The following THEMIS variants were observed in gnomAD, a reference collection of about 807,000 sequenced individuals.
THEMIS encodes the protein protein THEMIS.
THEMIS carries 37 observed loss-of-function variants against 52.6 expected under a neutral mutation model. The observed-to-expected ratio is 0.70, with a 90% CI of 0.54 to 0.93. The LOEUF (loss-of-function observed/expected upper bound fraction) is 0.93, where lower values mean the gene tolerates loss of function less well. Among genes scored for constraint, THEMIS ranks in the 40% least tolerant of loss-of-function variants. The pLI is 0.00. For synonymous variants in THEMIS, 292 were observed against 272.7 expected (o/e 1.07, Z -0.70); for missense variants, 808 against 763.1 (o/e 1.06, Z -0.69).
intron 4 of THEMIS, among the ~76,000 whole-genome samples, chr6:127,783,655 T>C (rs1400810636): frequency 6.6e-6 from 1 of 152,142 alleles, no homozygotes; most frequent in African/African-American, 2.4e-5. Flanking sequence ...TCAATGGTGA[T>C]TAGAGAAATG....
chr6:127,766,151 T>C (rs1387496376), intron 4 of THEMIS, among the ~76,000 whole-genome samples: 1 of 152,154 alleles, frequency 6.6e-6, no homozygotes, highest in Non-Finnish European at 1.5e-5. Flanking sequence ...TGCCTTAATA[T>C]CACAATTCTA....
chr6:127,773,481 A>T (rs912215744), intron 4 of THEMIS, among the ~76,000 whole-genome samples: 7 of 152,224 alleles, frequency 4.6e-5, no homozygotes, highest in African/African-American at 1.7e-4. Context: ...TTAAAAAATT[A>T]TCTGTTTTCC....
intron 3 of THEMIS, 109 bp from the exon 4 acceptor site, chr6:127,814,040 G>A (rs573623698): frequency 4.3e-6 from 4 of 925,888 alleles, no homozygotes; most frequent in African/African-American, 3.4e-5. Flanking sequence ...AAAGAACTCA[G>A]ATGATCATCA....
At chr6:127,714,375 T>G (rs115665774) in intron 5 of THEMIS, among the ~76,000 whole-genome samples, 3,207 of 151,974 alleles carry the variant, frequency 0.021, 107 homozygotes, top group African/African-American at 0.073. Context: ...AATTTGAAAT[T>G]TATAAAATTT....
intron 4 of THEMIS, among the ~76,000 whole-genome samples, chr6:127,794,223 G>A (rs1777252766): frequency 6.6e-6 from 1 of 152,146 alleles, no homozygotes; most frequent in Non-Finnish European, 1.5e-5. Context: ...TATTAAGACG[G>A]CAATGTTCTT....
chr6:127,766,699 C>A (rs1292559379), intron 4 of THEMIS, among the ~76,000 whole-genome samples: 2 of 152,148 alleles, frequency 1.3e-5, no homozygotes, highest in African/African-American at 4.8e-5. Flanking sequence ...GCAGTGGTAA[C>A]ACAATGGTAA....
intron 1 of THEMIS, among the ~76,000 whole-genome samples, chr6:127,884,606 T>G (rs1042139442): frequency 6.6e-6 from 1 of 152,194 alleles, no homozygotes; most frequent in Non-Finnish European, 1.5e-5. Flanking sequence ...ACAGCTGCTA[T>G]TAACCCCTTG....
chr6:127,835,124 GA>G (rs141846892), intron 2 of THEMIS, among the ~76,000 whole-genome samples: 2,181 of 152,256 alleles, frequency 0.014, 51 homozygotes, highest in African/African-American at 0.049. Context: ...ATCAGGGCTA[GA>G]AAGAACCTCC....
intron 1 of THEMIS, among the ~76,000 whole-genome samples, chr6:127,856,663 C>T (rs144242398): frequency 0.012 from 1,891 of 152,046 alleles, 166 homozygotes; most frequent in Admixed American, 0.11. Context: ...ATAGTCTATC[C>T]ATTCCTCAAG....
chr6:127,723,845 C>A (rs1011832803), intron 4 of THEMIS, among the ~76,000 whole-genome samples: 7 of 151,978 alleles, frequency 4.6e-5, no homozygotes, highest in African/African-American at 1.7e-4. Context: ...TAATTACAAT[C>A]AAATAATAGC....
At chr6:127,766,889 A>G (rs2114416244) in intron 4 of THEMIS, among the ~76,000 whole-genome samples, 1 of 152,300 alleles carries the variant, frequency 6.6e-6, no homozygotes, top group South Asian at 2.1e-4. Flanking sequence ...CTAGGACATT[A>G]CCGTATTCTA....
At chr6:127,856,885 T>C (rs1269926676) in intron 1 of THEMIS, among the ~76,000 whole-genome samples, 1 of 152,048 alleles carries the variant, frequency 6.6e-6, no homozygotes, top group East Asian at 1.9e-4. Context: ...GATCCTCATT[T>C]GGCAATTAAT....
intron 1 of THEMIS, among the ~76,000 whole-genome samples, chr6:127,879,109 A>C (rs1039010582): frequency 6.6e-6 from 1 of 152,236 alleles, no homozygotes; most frequent in Admixed American, 6.5e-5. Context: ...AATCTTTTTC[A>C]AAAGAATGCT....
At chr6:127,764,592 G>A (rs867511817) in intron 4 of THEMIS, among the ~76,000 whole-genome samples, 1 of 152,068 alleles carries the variant, frequency 6.6e-6, no homozygotes, top group Non-Finnish European at 1.5e-5. Flanking sequence ...AAATAATGCA[G>A]TTGGTAATAA....
downstream of THEMIS, among the ~76,000 whole-genome samples, chr6:127,706,907 A>C (rs1773814595): frequency 6.6e-6 from 1 of 152,108 alleles, no homozygotes; most frequent in Non-Finnish European, 1.5e-5. Flanking sequence ...GTATTAGTCC[A>C]TTCTTACACT....
Position 127,709,927 on chromosome 6 carries a change from C to A in THEMIS, c.*58G>T. 6.6e-7 allele frequency: 1 copy of A among 1,506,420 alleles called. No homozygotes were observed. 93.3% of individuals were successfully genotyped at this position (1,506,420 alleles called of 1,614,324 possible). ...ACTCGTTTTTCAGCTAGAAGGCTAG[C>A]TTCTTTTTTCACTGCAACATTTATG... On this transcript the variant is annotated 3_prime_UTR_variant, in exon 6 of 6. Transcript: ENST00000368248.
rs565722832 is a variant in THEMIS, at chr6:127,736,864, A to AAG, written c.1759-17042_1759-17041insCT. On this transcript the variant is annotated intron_variant, in intron 4 of 5. Coordinates refer to ENST00000368248, the MANE Select transcript of THEMIS (RefSeq NM_001010923.3). ...AAACCAAATGATCAAAAAAAAAAAA[A>AAG]AAAGAAAAAATATTTGTCTGCTTCT... 7.8e-3 allele frequency among the ~76,000 whole-genome samples: 1,182 copies of AAG among 151,728 alleles called. 8 individuals are homozygous for AAG. Among genetic ancestry groups the AAG allele is most frequent in the Middle Eastern group, 0.02 (6 of 294 alleles).
chr6:127,832,762 C>T (rs1167956874), intron 2 of THEMIS, among the ~76,000 whole-genome samples: 1 of 132,784 alleles, frequency 7.5e-6, no homozygotes, highest in African/African-American at 2.9e-5. Context: ...CTATTTCCAC[C>T]TAGGATTGTC....
In THEMIS at chr6:127,754,644, C is replaced by T. The variant is rs542520390; in HGVS notation, c.1759-34821G>A. 2.6e-4 allele frequency among the ~76,000 whole-genome samples: 40 copies of T among 152,204 alleles called. 1 individual carries two copies. In the South Asian group the frequency reaches 6.2e-3, roughly 24 times the overall value. ...CTTGGATCATGTGCTCATCTTCAAACTAATAATAGTTGTTAGGGAATTGCC... is the reference window on the plus strand; with the variant it reads ...CTTGGATCATGTGCTCATCTTCAAATTAATAATAGTTGTTAGGGAATTGCC... On this transcript the variant is annotated intron_variant, in intron 4 of 5. Coordinates refer to ENST00000368248, the MANE Select transcript of THEMIS (RefSeq NM_001010923.3).
Sources: gnomAD v4.1 joint callset for allele counts (sites outside exome capture counted in the v4.1 genomes callset) on GRCh38, gnomAD v4.1.1 for gene constraint, MANE v1.5 for transcripts, NCBI Gene and HGNC (gene_info 2026-07-23, HGNC 2026-07-21) for gene names.